Variants in IQCM observed in about 807,000 individuals in gnomAD.
IQCM encodes IQ domain-containing protein M.
IQCM carries 45 observed loss-of-function variants against 57.6 expected under a neutral mutation model. The ratio of observed to expected loss-of-function variants is 0.78; its 90% CI spans 0.62 to 1.00. IQCM has a LOEUF of 1.00. Ranked by LOEUF, IQCM falls within the 50% of genes least tolerant of loss-of-function variation. The pLI is 0.00. For missense variants in IQCM, 468 were observed against 511.6 expected (o/e 0.91, Z 0.82); for synonymous variants, 148 against 158.9 (o/e 0.93, Z 0.51).
intron 7 of IQCM, among the ~76,000 whole-genome samples, chr4:149,629,525 A>T (rs1757079320): frequency 6.6e-6 from 1 of 152,064 alleles, no homozygotes; most frequent in Non-Finnish European, 1.5e-5. Flanking sequence ...ATATCATGGG[A>T]ACAGCCTCTG....
intron 5 of IQCM, among the ~76,000 whole-genome samples, chr4:149,708,884 A>G (rs967235339): frequency 1.3e-5 from 2 of 152,092 alleles, no homozygotes; most frequent in Admixed American, 1.3e-4. Context: ...AAACTTGCCA[A>G]TGGTATTAAC....
At chr4:149,417,502 C>T (rs1359898229) in intron 13 of IQCM, among the ~76,000 whole-genome samples, 1 of 152,132 alleles carries the variant, frequency 6.6e-6, no homozygotes, top group African/African-American at 2.4e-5. Context: ...TTCTGGGTGT[C>T]ACCTTATTCT....
intron 12 of IQCM, among the ~76,000 whole-genome samples, chr4:149,451,403 G>C (rs543097373): frequency 6.6e-6 from 1 of 151,808 alleles, no homozygotes; most frequent in South Asian, 2.1e-4. Context: ...TGTATGATGT[G>C]ATTATTATGC....
intron 8 of IQCM, among the ~76,000 whole-genome samples, chr4:149,597,693 G>C (rs1318215861): frequency 6.6e-6 from 1 of 152,054 alleles, no homozygotes; most frequent in African/African-American, 2.4e-5. Context: ...ACTAGACCTA[G>C]AGATTCATAA....
intron 2 of IQCM, among the ~76,000 whole-genome samples, chr4:149,767,534 C>T (rs140395674): frequency 2.7e-4 from 41 of 152,138 alleles, no homozygotes; most frequent in Admixed American, 9.8e-4. Context: ...TTACACTAGA[C>T]GAGAGATGGC....
At chr4:149,509,539 C>A (rs1413539606) in intron 12 of IQCM, among the ~76,000 whole-genome samples, 1 of 149,586 alleles carries the variant, frequency 6.7e-6, no homozygotes, top group Non-Finnish European at 1.5e-5. Flanking sequence ...TGAGCCACCA[C>A]ACCCAGCCTA....
In IQCM at chr4:149,612,089, GGAGAGA is replaced by G. The variant is rs3057351; in HGVS notation, c.681+9034_681+9039del. The stretch of plus-strand genomic sequence containing the variant: ...GTAGGGCACATCTTACATGGGGGAA[GGAGAGA>G]GAGAGAGAGAGAGAGCAAAGGAGGA... On this transcript the variant is annotated intron_variant, in intron 8 of 13. Transcript: ENST00000636793. Among the ~76,000 whole-genome samples the G allele has an allele frequency of 2.1e-4, 31 of 148,990 alleles. 1 individual carries two copies. Among genetic ancestry groups the G allele is most frequent in the African/African-American group, 6.4e-4 (26 of 40,498 alleles).
chr4:149,511,402 T>C (rs1160053673), intron 12 of IQCM, among the ~76,000 whole-genome samples: 1 of 151,154 alleles, frequency 6.6e-6, no homozygotes, highest in Non-Finnish European at 1.5e-5. Context: ...GTGGTACATG[T>C]CTGTAATCCC....
At chr4:149,638,314 G>A (rs993046942) in intron 7 of IQCM, among the ~76,000 whole-genome samples, 8 of 152,068 alleles carry the variant, frequency 5.3e-5, no homozygotes, top group African/African-American at 1.9e-4. Context: ...ACTCATAGAT[G>A]GCTGATGAGA....
chr4:149,782,327 A>G (rs573859966), intron 2 of IQCM, among the ~76,000 whole-genome samples: 1 of 152,344 alleles, frequency 6.6e-6, no homozygotes, highest in African/African-American at 2.4e-5. Context: ...AAGGCAAATA[A>G]AAAAGATTTT....
intron 12 of IQCM, among the ~76,000 whole-genome samples, chr4:149,540,924 A>G (rs145991130): frequency 1.3e-5 from 2 of 152,270 alleles, no homozygotes; most frequent in East Asian, 1.9e-4. Flanking sequence ...TATTTAAAAT[A>G]AGGCTACTCT....
At chr4:149,648,512 T>C (rs1175119686) in intron 7 of IQCM, among the ~76,000 whole-genome samples, 1 of 152,242 alleles carries the variant, frequency 6.6e-6, no homozygotes, top group African/African-American at 2.4e-5. Context: ...TATATGTGCA[T>C]GTGTCTTTAT....
chr4:149,721,579 T>C (rs1348884084), intron 5 of IQCM, among the ~76,000 whole-genome samples: 1 of 152,178 alleles, frequency 6.6e-6, no homozygotes, highest in East Asian at 1.9e-4. Context: ...TCACTTAAGA[T>C]AGTGTCCTTC....
At chr4:149,472,744 A>C (rs988785727) in intron 12 of IQCM, among the ~76,000 whole-genome samples, 7 of 152,222 alleles carry the variant, frequency 4.6e-5, no homozygotes, top group African/African-American at 1.7e-4. Flanking sequence ...ACAGTAACCA[A>C]AACAGCATGG....
intron 7 of IQCM, among the ~76,000 whole-genome samples, chr4:149,680,747 G>A (rs758423686): frequency 1.2e-4 from 18 of 151,500 alleles, no homozygotes; most frequent in South Asian, 4.1e-4. Flanking sequence ...TCACATGGGT[G>A]ACTACCAATT....
chr4:149,685,405 C>G (rs1762476245), intron 6 of IQCM, among the ~76,000 whole-genome samples: 1 of 151,326 alleles, frequency 6.6e-6, no homozygotes, highest in Admixed American at 6.6e-5. Flanking sequence ...ATTTCTTTTC[C>G]TTTGTAATTA....
intron 9 of IQCM, among the ~76,000 whole-genome samples, chr4:149,572,400 C>T (rs955059089): frequency 2.0e-5 from 3 of 151,908 alleles, no homozygotes; most frequent in Non-Finnish European, 4.4e-5. Flanking sequence ...GATTCTCCTG[C>T]CTCAATCTCC....
intron 8 of IQCM, among the ~76,000 whole-genome samples, chr4:149,609,734 C>G (rs1011719781): frequency 4.0e-5 from 6 of 151,682 alleles, no homozygotes. Flanking sequence ...GGGAACATAC[C>G]TCAACATAAC....
At chr4:149,448,822 G>A (rs1279482880) in intron 12 of IQCM, among the ~76,000 whole-genome samples, 2 of 151,738 alleles carry the variant, frequency 1.3e-5, no homozygotes, top group Admixed American at 1.3e-4. Flanking sequence ...GAAATTGAAT[G>A]TGTGGTTAAG....
Sources: allele counts gnomAD v4.1 joint callset (sites outside exome capture counted in the v4.1 genomes callset), GRCh38; gene constraint gnomAD v4.1.1; transcripts MANE v1.5; gene names NCBI Gene and HGNC (gene_info 2026-07-23, HGNC 2026-07-21).